Variants in ITGA8 observed in about 807,000 individuals in gnomAD.
The protein encoded by ITGA8 is integrin alpha-8.
In ITGA8, 91 loss-of-function variants were observed where a neutral mutation model predicts 142.3. The ratio of observed to expected loss-of-function variants is 0.64; its 90% CI spans 0.54 to 0.76. The LOEUF (loss-of-function observed/expected upper bound fraction) is 0.76, where lower values mean the gene tolerates loss of function less well. ITGA8 is among the 30% of genes least tolerant of loss of function. The pLI, the probability that ITGA8 is intolerant of heterozygous loss-of-function variation, is 0.00. For missense variants in ITGA8, 1,406 were observed against 1,327.7 expected, an observed-to-expected ratio of 1.06 and a Z score of -0.92; for synonymous variants, 505 against 485.2, an observed-to-expected ratio of 1.04 and a Z score of -0.54.
intron 8 of ITGA8, among the ~76,000 whole-genome samples, chr10:15,669,466 T>C (rs1306586900): frequency 6.6e-6 from 1 of 152,172 alleles, no homozygotes; most frequent in Non-Finnish European, 1.5e-5. Context: ...TGGTTCGAAT[T>C]TCCTCCTGTA....
chr10:15,661,576 C>G (rs903603465), intron 8 of ITGA8, among the ~76,000 whole-genome samples: 1 of 152,188 alleles, frequency 6.6e-6, no homozygotes, highest in African/African-American at 2.4e-5. Flanking sequence ...GTCTCTAATT[C>G]ATGAATCTGG....
intron 2 of ITGA8, among the ~76,000 whole-genome samples, chr10:15,690,330 T>A (rs1367693462): frequency 1.3e-5 from 2 of 152,114 alleles, no homozygotes; most frequent in African/African-American, 2.4e-5. Context: ...TGCCCTACTT[T>A]CCAGGGCCTG....
In ITGA8 at chr10:15,671,560, C is replaced by T. The variant is rs761631657; in HGVS notation, c.847+43G>A. 8.9e-5 allele frequency: 137 copies of T among 1,532,530 alleles called. 1 individual carries two copies. Among genetic ancestry groups the T allele is most frequent in the Non-Finnish European group, 1.2e-4 (131 of 1,106,734 alleles). 94.9% of individuals were successfully genotyped at this position (1,532,530 alleles called of 1,614,324 possible). On this transcript the variant is annotated intron_variant, in intron 8 of 29. Coordinates refer to ENST00000378076, the MANE Select transcript of ITGA8 (RefSeq NM_003638.3). ...AACTTTATATGCCATTTTACCATTTCCCCATGCTTTATAAGTGATTTAAAC... is the reference window on the plus strand; with the variant it reads ...AACTTTATATGCCATTTTACCATTTTCCCATGCTTTATAAGTGATTTAAAC...
At chr10:15,554,731 C>CTTTT (rs1176383840) in intron 26 of ITGA8, among the ~76,000 whole-genome samples, 1 of 149,698 alleles carries the variant, frequency 6.7e-6, no homozygotes, top group Non-Finnish European at 1.5e-5. Context: ...TTCTTTCTTT[C>CTTTT]TTTCTTTCTT....
At chr10:15,637,624 A>C (rs1274506524) in intron 13 of ITGA8, among the ~76,000 whole-genome samples, 1 of 150,092 alleles carries the variant, frequency 6.7e-6, no homozygotes, top group African/African-American at 2.5e-5. Flanking sequence ...TGATTCTCCC[A>C]CTTCAGACTC....
At chr10:15,544,867 G>A (rs930294005) in intron 27 of ITGA8, among the ~76,000 whole-genome samples, 2 of 152,156 alleles carry the variant, frequency 1.3e-5, no homozygotes, top group African/African-American at 2.4e-5. Flanking sequence ...GAAGCTAGTC[G>A]CCATGTTAGG....
chr10:15,651,196 GA>G (rs967730672), intron 11 of ITGA8, among the ~76,000 whole-genome samples: 36 of 148,556 alleles, frequency 2.4e-4, no homozygotes, highest in African/African-American at 4.9e-4. Context: ...AAAGCCGTAA[GA>G]AAAAAAAAAC....
At chr10:15,659,128 G>C in intron 9 of ITGA8, 73 bp from the exon 10 acceptor site, 1 of 1,009,638 alleles carries the variant, frequency 9.9e-7, no homozygotes, top group Non-Finnish European at 1.5e-6. Context: ...ACTACAACTT[G>C]AATCATTTAA....
At chr10:15,565,699 C>T (rs1834066653) in intron 25 of ITGA8, among the ~76,000 whole-genome samples, 1 of 146,828 alleles carries the variant, frequency 6.8e-6, no homozygotes, top group African/African-American at 2.5e-5. Flanking sequence ...AAGCGATTCT[C>T]CTGCCTCAGC....
At chr10:15,661,855 A>G (rs889711564) in intron 8 of ITGA8, among the ~76,000 whole-genome samples, 4 of 152,204 alleles carry the variant, frequency 2.6e-5, no homozygotes, top group Non-Finnish European at 4.4e-5. Flanking sequence ...GACTGCCAGG[A>G]AAGTTGACGG....
intron 8 of ITGA8, among the ~76,000 whole-genome samples, chr10:15,667,461 A>C (rs888244161): frequency 6.6e-6 from 1 of 152,108 alleles, no homozygotes; most frequent in Admixed American, 6.5e-5. Context: ...GATCTTTTCA[A>C]AAAACCAGCT....
Position 15,514,839 on chromosome 10 carries a change from G to C in ITGA8, c.*2319C>G, listed in dbSNP as rs1249064363. 3 of 152,320 alleles carry C rather than the reference G, an allele frequency of 2.0e-5. No homozygotes were observed. Among genetic ancestry groups the C allele is most frequent in the African/African-American group, 7.2e-5 (3 of 41,456 alleles). The allele number at this position is 152,320 out of a possible 1,614,324, so 9.4% of individuals were successfully genotyped here. The stretch of plus-strand genomic sequence containing the variant: ...GTCCCTCTAGGAAAGGGCCATCTTG[G>C]CTGAGACTCTGGGATGGTGCAGTTC... On this transcript the variant is annotated 3_prime_UTR_variant, in exon 30 of 30. Coordinates refer to ENST00000378076, the MANE Select transcript of ITGA8 (RefSeq NM_003638.3).
chr10:15,654,136 C>G (rs1435592004), intron 11 of ITGA8, among the ~76,000 whole-genome samples: 1 of 152,138 alleles, frequency 6.6e-6, no homozygotes, highest in East Asian at 1.9e-4. Context: ...GCACCCGGCC[C>G]CTCTGTGTGT....
At chr10:15,648,416 TATA>T (rs1157267840) in intron 11 of ITGA8, among the ~76,000 whole-genome samples, 118 of 150,508 alleles carry the variant, frequency 7.8e-4, no homozygotes, top group Admixed American at 1.9e-3. Context: ...ATGAATGATA[TATA>T]ATAATGTATA....
intron 21 of ITGA8, among the ~76,000 whole-genome samples, chr10:15,593,326 T>A (rs1002351400): frequency 1.3e-5 from 2 of 152,206 alleles, no homozygotes; most frequent in Admixed American, 1.3e-4. Context: ...TAATATTATG[T>A]TACTTACTCT....
At chr10:15,646,353 T>A (rs557594132) in intron 12 of ITGA8, among the ~76,000 whole-genome samples, 1 of 152,208 alleles carries the variant, frequency 6.6e-6, no homozygotes, top group African/African-American at 2.4e-5. Flanking sequence ...TTATTTTTAT[T>A]GTAACCTGGA....
At chr10:15,644,745 A>T (rs938188081) in intron 12 of ITGA8, among the ~76,000 whole-genome samples, 1 of 151,644 alleles carries the variant, frequency 6.6e-6, no homozygotes, top group Non-Finnish European at 1.5e-5. Context: ...ATTCTGTAGT[A>T]CTGCTGCAAT....
intron 2 of ITGA8, among the ~76,000 whole-genome samples, chr10:15,709,477 A>G (rs987245142): frequency 6.6e-6 from 1 of 152,260 alleles, no homozygotes; most frequent in African/African-American, 2.4e-5. Context: ...AAAAAATATT[A>G]TTATACATAA....
At chr10:15,543,384 C>G (rs1456012180) in intron 27 of ITGA8, among the ~76,000 whole-genome samples, 1 of 152,178 alleles carries the variant, frequency 6.6e-6, no homozygotes, top group East Asian at 1.9e-4. Flanking sequence ...TATGCTCACC[C>G]CTGTGTTTAC....
Sources: gnomAD v4.1 joint callset for allele counts (sites outside exome capture counted in the v4.1 genomes callset) on GRCh38, gnomAD v4.1.1 for gene constraint, MANE v1.5 for transcripts, NCBI Gene and HGNC (gene_info 2026-07-23, HGNC 2026-07-21) for gene names.